The following RFNG variants were observed in gnomAD, a reference collection of about 807,000 sequenced individuals.
The protein encoded by RFNG is beta-1,3-N-acetylglucosaminyltransferase radical fringe.
RFNG carries 37 observed loss-of-function variants against 29.6 expected under a neutral mutation model. The observed-to-expected ratio is 1.25, with a 90% confidence interval of 0.96 to 1.65. RFNG has a LOEUF of 1.65. RFNG is among the 40% of genes most tolerant of loss of function. RFNG has a pLI of 0.00. For synonymous variants in RFNG, 276 were observed against 197.3 expected (o/e 1.40, Z -3.34); for missense variants, 546 against 457.0 (o/e 1.19, Z -1.78).
rs9915742 is a variant in RFNG, at chr17:82,050,021, G to T, written c.574-15C>A. On this transcript the variant is annotated splice_polypyrimidine_tract_variant and intron_variant, in intron 4 of 7. Coordinates refer to ENST00000310496, the MANE Select transcript of RFNG (RefSeq NM_002917.2). ...ACCGTGGTCACCTGAAGATGGGGTG[G>T]TGGTCAGAGCTGCCCAGGACAGGGC... 0.65 allele frequency: 1,037,992 copies of T among 1,595,414 alleles called. 342,517 individuals carry two copies. The highest frequency in any genetic ancestry group is 0.68 in the African/African-American group (50,462 of 74,394).
At chr17:82,050,613 C>T (rs371022624) in intron 3 of RFNG, 49 bp downstream of exon 3, 179 of 1,608,282 alleles carry the variant, frequency 1.1e-4, no homozygotes, top group Non-Finnish European at 1.4e-4. Flanking sequence ...AGGAGGCCCC[C>T]ACCCAGCTTG....
rs371704868 is a variant in RFNG at position 82,048,823 on chromosome 17, G to A, written c.915-16C>T. On this transcript the variant is annotated splice_polypyrimidine_tract_variant and intron_variant, in intron 7 of 7. Coordinates refer to ENST00000310496, the MANE Select transcript of RFNG (RefSeq NM_002917.2). ...AGACTTAAACCTGGGGAAGGAAGAA[G>A]TAGGGGTCAGGGCCGTGGGCGGAGA... The A allele has an allele frequency of 1.7e-5, 27 of 1,606,084 alleles. No homozygotes were observed. Among genetic ancestry groups the A allele is most frequent in the African/African-American group, 9.4e-5 (7 of 74,732 alleles).
chr17:82,050,604 G>A (rs1380265112), intron 3 of RFNG, 49 bp from the exon 4 acceptor site: 16 of 1,608,332 alleles, frequency 9.9e-6, no homozygotes, highest in African/African-American at 1.3e-5. Context: ...TGGCTGGACA[G>A]GAGGCCCCCA....
intron 2 of RFNG, 171 bp from the exon 3 acceptor site, chr17:82,050,935 T>A (rs2030444292): frequency 7.1e-7 from 1 of 1,414,186 alleles, no homozygotes; most frequent in Admixed American, 2.8e-5. Flanking sequence ...ACCCTGCTGG[T>A]GCCACCGAGG....
Position 82,048,263 on chromosome 17 carries a change from G to A in RFNG, c.*463C>T, listed in dbSNP as rs371064977. On this transcript the variant is annotated 3_prime_UTR_variant, in exon 8 of 8. Transcript: ENST00000310496. ...GTGCCCGGCCGTGCACCCAGCCTGCGGCAGAGAGGGCGGCGTCCCCCACAA... is the reference window on the plus strand; with the variant it reads ...GTGCCCGGCCGTGCACCCAGCCTGCAGCAGAGAGGGCGGCGTCCCCCACAA... 17 of 191,500 alleles carry A rather than the reference G, an allele frequency of 8.9e-5. No homozygotes were observed. The highest frequency in any genetic ancestry group is 3.9e-4 in the South Asian group (4 of 10,186). 11.9% of individuals were successfully genotyped at this position (191,500 alleles called of 1,614,324 possible).
At position 82,049,709 on chromosome 17, in the gene RFNG, G is replaced by A; in HGVS notation, c.796C>T (p.Gln266Ter). The stretch of plus-strand genomic sequence containing the variant: ...AGCAGGGTGTCGGGCGGCAGCCTCT[G>A]CAGGTTCTCCAGGTGAGAGTGGAAG... ...PLFHSHLENLQRLPPDTLLQQ... is the reference protein window; with the variant it reads ...PLFHSHLENL The change falls in exon 6 of 8, where the codon CAG becomes TAG. Residue 266 changes from glutamine to a stop codon, truncating the protein, a stop_gained. Coordinates refer to ENST00000310496, the MANE Select transcript of RFNG (RefSeq NM_002917.2). LOFTEE classifies it high-confidence loss of function. 1 of 1,499,032 alleles carries A rather than the reference G, an allele frequency of 6.7e-7. No individual in the cohort carries two copies. Among genetic ancestry groups the A allele is most frequent in the Non-Finnish European group, 8.9e-7 (1 of 1,126,336 alleles). 92.9% of individuals were successfully genotyped at this position (1,499,032 alleles called of 1,614,324 possible).
chr17:82,050,259 C>A (rs2030277529), intron 4 of RFNG, 143 bp downstream of exon 4: 1 of 1,043,746 alleles, frequency 9.6e-7, no homozygotes, highest in Non-Finnish European at 1.4e-6. Flanking sequence ...TCCTGAAACA[C>A]CACATGCAAA....
chr17:82,050,545 G>A lies in RFNG; in HGVS notation c.430C>T (p.His144Tyr), dbSNP rs1360433612. 2 of 1,611,672 alleles carry A rather than the reference G, an allele frequency of 1.2e-6. No individual in the cohort carries two copies. Among genetic ancestry groups the A allele is most frequent in the South Asian group, 2.2e-5 (2 of 90,954 alleles). Residue 144 changes from histidine (H) to tyrosine (Y), a missense_variant, in exon 4 of 8, where the codon CAC becomes TAC. Transcript: ENST00000310496. ...FIESGRKWFC[H>Y]VDDDNYVNAR... is the part of the protein sequence containing the mutation. ...TTCACATAATTGTCATCATCCACGTGGCAAAACCACCTGTGGGCGAGGGGA... is the reference window on the plus strand; with the variant it reads ...TTCACATAATTGTCATCATCCACGTAGCAAAACCACCTGTGGGCGAGGGGA...
Position 82,051,199 on chromosome 17 carries a change from GA to G in RFNG, c.316+94del. 1 of 1,307,964 alleles carries G rather than the reference GA, an allele frequency of 7.6e-7. No homozygotes were observed. The highest frequency in any genetic ancestry group is 1.5e-5 in the African/African-American group (1 of 64,948). 81.0% of individuals were successfully genotyped at this position (1,307,964 alleles called of 1,614,324 possible). A position where few individuals can be genotyped will look rare whatever the true frequency, so the allele number is the denominator to read the frequency against. ...CCCGGGCCTCGGGAGCCTGGGCAGA[GA>G]AAGGCACCCACAGCAGCGAAGGGGC... On this transcript the variant is annotated intron_variant, in intron 2 of 7. Transcript: ENST00000310496. The surrounding 1 kb of genome is among the most constrained non-coding windows in gnomAD (Gnocchi z 4.1).
Position 82,051,403 on chromosome 17 carries a change from C to A in RFNG, c.268-61G>T. Reference sequence around the variant, plus strand: ...CTGCCCAGGCCGGAGACCGACCCGCCCCGCGCGGAGCCTCCGGGGGCCTGG... The same window carrying A: ...CTGCCCAGGCCGGAGACCGACCCGCACCGCGCGGAGCCTCCGGGGGCCTGG... On this transcript the variant is annotated intron_variant, in intron 1 of 7. Coordinates refer to ENST00000310496, the MANE Select transcript of RFNG (RefSeq NM_002917.2). This position sits in a 1 kb window ranked among gnomAD's most constrained non-coding sequence, Gnocchi z 4.1. The A allele has an allele frequency of 7.1e-7, 1 of 1,409,194 alleles. No homozygotes were observed. The highest frequency in any genetic ancestry group is 2.9e-5 in the East Asian group (1 of 34,182). 87.3% of individuals were successfully genotyped at this position (1,409,194 alleles called of 1,614,324 possible). A position where few individuals can be genotyped will look rare whatever the true frequency, so the allele number is the denominator to read the frequency against.
chr17:82,049,491 T>C (rs751085278), intron 6 of RFNG, 186 bp downstream of exon 6: 59 of 751,492 alleles, frequency 7.9e-5, no homozygotes, highest in South Asian at 3.7e-4. Flanking sequence ...CCAGACACCA[T>C]ACCCCATCTG....
In RFNG at chr17:82,048,502, C is replaced by G; in HGVS notation, c.*224G>C. On this transcript the variant is annotated 3_prime_UTR_variant, in exon 8 of 8. Transcript: ENST00000310496. ...TGGGTCGGGGGGAGGGGCACTGCGG[C>G]CCTGGCCATCAGCCTGGCTGTCTTC... 1 of 572,048 alleles carries G rather than the reference C, an allele frequency of 1.7e-6. No homozygotes were observed. The highest frequency in any genetic ancestry group is 3.1e-6 in the Non-Finnish European group (1 of 318,046). 35.4% of individuals were successfully genotyped at this position (572,048 alleles called of 1,614,324 possible). A position where few individuals can be genotyped will look rare whatever the true frequency, so the allele number is the denominator to read the frequency against.
chr17:82,049,682 G>A lies in RFNG; in HGVS notation c.823C>T (p.Gln275Ter). ...ACCCAGAGTGGCGCCTGTACCTGCT[G>A]GAGCAGGGTGTCGGGCGGCAGCCTC... ...LQRLPPDTLL[Q>*]QVTLSHGGPE... Residue 275 changes from glutamine to a stop codon, truncating the protein, a stop_gained, in exon 6 of 8, where the codon CAG (glutamine) becomes TAG (stop). Coordinates refer to ENST00000310496, the MANE Select transcript of RFNG (RefSeq NM_002917.2). LOFTEE classifies it high-confidence loss of function. The A allele has an allele frequency of 6.8e-7, 1 of 1,468,028 alleles. No homozygotes were observed. The highest frequency in any genetic ancestry group is 9.0e-7 in the Non-Finnish European group (1 of 1,109,292). The allele number at this position is 1,468,028 out of a possible 1,614,324, so 90.9% of individuals were successfully genotyped here. A position where few individuals can be genotyped will look rare whatever the true frequency, so the allele number is the denominator to read the frequency against.
At position 82,049,065 on chromosome 17, in the gene RFNG, C is replaced by T. The variant is rs373836166; in HGVS notation, c.880G>A (p.Ala294Thr). 1.2e-6 allele frequency: 2 copies of T among 1,613,560 alleles called. No homozygotes were observed. Among genetic ancestry groups the T allele is most frequent in the Non-Finnish European group, 8.5e-7 (1 of 1,179,872 alleles). ...TCTTGATGCAGGCTGAAGCCTCCAGCCACGTTCACCACGTTATGTGGGTTC... is the reference window on the plus strand; with the variant it reads ...TCTTGATGCAGGCTGAAGCCTCCAGTCACGTTCACCACGTTATGTGGGTTC... ...PENPHNVVNVAGGFSLHQDPT... is the reference protein window; with the variant it reads ...PENPHNVVNVTGGFSLHQDPT... Residue 294 changes from alanine to threonine, a missense_variant, in exon 7 of 8, where the codon GCT (alanine) becomes ACT (threonine). Physicochemically the swap from Ala to Thr is moderately conservative, Grantham distance 58. Coordinates refer to ENST00000310496, the MANE Select transcript of RFNG (RefSeq NM_002917.2).
Position 82,051,563 on chromosome 17 carries a change from C to T in RFNG, c.204G>A (p.Arg68=). ...DDVFIAVKTT[R]KNHGPRLRLL... is the part of the protein sequence containing the mutation. ...GCCGCAGGCGCGGCCCGTGGTTCTTCCGGGTGGTCTTGACGGCGATGAAGA... is the reference window on the plus strand; with the variant it reads ...GCCGCAGGCGCGGCCCGTGGTTCTTTCGGGTGGTCTTGACGGCGATGAAGA... The change falls in exon 1 of 8, where the codon CGG becomes CGA. Residue 68 remains arginine, a synonymous_variant. Transcript: ENST00000310496. This position sits in a 1 kb window ranked among gnomAD's most constrained non-coding sequence, Gnocchi z 4.1. 2.9e-6 allele frequency: 4 copies of T among 1,391,560 alleles called. No homozygotes were observed. Among genetic ancestry groups the T allele is most frequent in the Non-Finnish European group, 3.7e-6 (4 of 1,068,488 alleles). The allele number at this position is 1,391,560 out of a possible 1,614,324, so 86.2% of individuals were successfully genotyped here. A position where few individuals can be genotyped will look rare whatever the true frequency, so the allele number is the denominator to read the frequency against.
chr17:82,049,130 G>T lies in RFNG; in HGVS notation c.829-14C>A, dbSNP rs1283681002. On this transcript the variant is annotated splice_polypyrimidine_tract_variant and intron_variant, in intron 6 of 7. Transcript: ENST00000310496. ...GCTCAAGGTAACCTGGGAGGGAAGG[G>T]TGTGGGCAGAGTGTGTGGCCTGGTC... 1.9e-6 allele frequency: 3 copies of T among 1,609,894 alleles called. No individual in the cohort carries two copies. The highest frequency in any genetic ancestry group is 1.7e-5 in the Admixed American group (1 of 59,914).
In RFNG at chr17:82,049,911, C is replaced by A; in HGVS notation, c.662+7G>T. 1.2e-6 allele frequency: 2 copies of A among 1,611,952 alleles called. No homozygotes were observed. Among genetic ancestry groups the A allele is most frequent in the South Asian group, 2.2e-5 (2 of 90,856 alleles). On this transcript the variant is annotated splice_region_variant and intron_variant, in intron 5 of 7. Coordinates refer to ENST00000310496, the MANE Select transcript of RFNG (RefSeq NM_002917.2). ...CTCCCAGCCCGGGCAGCTGGACCCC[C>A]ACTCACCTGGCCCATGGGCTCATCT... is the stretch of plus-strand genomic sequence containing the variant.
chr17:82,049,000 C>T (rs751606612), intron 7 of RFNG, 31 bp downstream of exon 7: 16 of 1,602,168 alleles, frequency 1.0e-5, no homozygotes, highest in Non-Finnish European at 1.3e-5. Flanking sequence ...CCTGCGGGGC[C>T]GAGGGCCTGC....
intron 6 of RFNG, 198 bp downstream of exon 6, chr17:82,049,479 C>T (rs1449911206): frequency 4.1e-6 from 3 of 738,038 alleles, no homozygotes; most frequent in Non-Finnish European, 7.2e-6. Context: ...CGTTCCTCTG[C>T]CCCAGACACC....
Sources: allele counts gnomAD v4.1 joint callset, GRCh38; gene constraint gnomAD v4.1.1; non-coding constraint Gnocchi (gnomAD v3.1); transcripts MANE v1.5; gene names NCBI Gene and HGNC (gene_info 2026-07-23, HGNC 2026-07-21).